Variants in CYYR1 observed in about 807,000 individuals in gnomAD.
CYYR1 encodes cysteine and tyrosine rich 1.
In CYYR1, 14 loss-of-function variants were observed where a neutral mutation model predicts 15.2. The observed-to-expected ratio is 0.92, with a 90% confidence interval of 0.61 to 1.44. The LOEUF is 1.44. Ranked by LOEUF, CYYR1 falls within the 40% of genes most tolerant of loss-of-function variation. CYYR1 has a pLI of 0.00. For missense variants in CYYR1, 228 were observed against 209.5 expected, an observed-to-expected ratio of 1.09 and a Z score of -0.54; for synonymous variants, 80 against 77.4, an observed-to-expected ratio of 1.03 and a Z score of -0.18.
chr21:26,475,691 C>T (rs1475978847), intron 3 of CYYR1, among the ~76,000 whole-genome samples: 3 of 152,148 alleles, frequency 2.0e-5, no homozygotes, highest in African/African-American at 4.8e-5. Flanking sequence ...CTTGCTAGCT[C>T]TACTTCATCA....
chr21:26,556,707 C>T lies in CYYR1; in HGVS notation c.176+9559G>A, dbSNP rs1849682245. Among the ~76,000 whole-genome samples the T allele has an allele frequency of 3.3e-5, 5 of 152,086 alleles. No homozygotes were observed. The South Asian group carries it at 8.3e-4, about 25-fold the overall frequency. On this transcript the variant is annotated intron_variant, in intron 2 of 3. Coordinates refer to ENST00000652641, the MANE Select transcript of CYYR1 (RefSeq NM_001320768.2). ...ACCAGATCTCATGAGGACTCACTCA[C>T]TATCACAAGAACAGCAAGGGAGAAA...
chr21:26,573,065 C>T lies in CYYR1; in HGVS notation c.-125G>A. On this transcript the variant is annotated 5_prime_UTR_variant, in exon 1 of 4. The change abolishes an upstream ATG in the 5' untranslated region. Transcript: ENST00000652641. ...GAGCCGGGTGGAGCAGAGACCCGGC[C>T]ATTGCCTAGGGAGCCTTCCAAGGGA... is the stretch of plus-strand genomic sequence containing the variant. The T allele has an allele frequency of 6.4e-7, 1 of 1,562,904 alleles. No homozygotes were observed. The highest frequency in any genetic ancestry group is 1.2e-5 in the South Asian group (1 of 86,660).
chr21:26,547,819 A>G (rs1219273193), intron 2 of CYYR1, among the ~76,000 whole-genome samples: 1 of 151,856 alleles, frequency 6.6e-6, no homozygotes, highest in African/African-American at 2.4e-5. Flanking sequence ...ATTGCCAAGG[A>G]AACCTCGATT....
At chr21:26,516,976 G>A (rs200482753) in intron 2 of CYYR1, among the ~76,000 whole-genome samples, 11,907 of 149,206 alleles carry the variant, frequency 0.08, 609 homozygotes, top group African/African-American at 0.14. Context: ...TTAGCCGGGC[G>A]TGGTAGCGGG....
intron 2 of CYYR1, among the ~76,000 whole-genome samples, chr21:26,481,918 A>G (rs1056342617): frequency 2.6e-5 from 4 of 152,070 alleles, no homozygotes; most frequent in African/African-American, 9.7e-5. Flanking sequence ...CTATGTATCA[A>G]GTTTTTTATT....
At chr21:26,499,836 G>GTTT (rs201220917) in intron 2 of CYYR1, among the ~76,000 whole-genome samples, 2 of 137,956 alleles carry the variant, frequency 1.4e-5, no homozygotes, top group Non-Finnish European at 3.2e-5. Context: ...ACACATTTTT[G>GTTT]TTTTTTTTTT....
At chr21:26,560,837 C>T (rs139533376) in intron 2 of CYYR1, among the ~76,000 whole-genome samples, 27 of 152,240 alleles carry the variant, frequency 1.8e-4, no homozygotes, top group African/African-American at 5.8e-4. Context: ...AGGGCAGGAA[C>T]GTGATGTTTG....
chr21:26,506,531 A>G (rs1023916665), intron 2 of CYYR1: 1 of 152,216 alleles, frequency 6.6e-6, no homozygotes, highest in Non-Finnish European at 1.5e-5. Flanking sequence ...TACACTCTCA[A>G]ACTCAACTTT....
At chr21:26,492,175 A>G (rs372682767) in intron 2 of CYYR1, among the ~76,000 whole-genome samples, 19 of 152,330 alleles carry the variant, frequency 1.2e-4, no homozygotes, top group African/African-American at 4.6e-4. Context: ...TTCACTATAG[A>G]TGCTGCTAAT....
chr21:26,471,127 A>T lies in CYYR1; in HGVS notation c.335-2493T>A, dbSNP rs543589981. 5 of 152,246 alleles carry T rather than the reference A, an allele frequency of 3.3e-5. No individual in the cohort carries two copies. In the East Asian group the frequency reaches 9.6e-4, roughly 29 times the overall value. 9.4% of individuals were successfully genotyped at this position (152,246 alleles called of 1,614,324 possible). A position where few individuals can be genotyped will look rare whatever the true frequency, so the allele number is the denominator to read the frequency against. ...CCCTCTGCATTATACCCACGCCTCGACTTCATTATATCTAGGAGCACTGAG... is the reference window on the plus strand; with the variant it reads ...CCCTCTGCATTATACCCACGCCTCGTCTTCATTATATCTAGGAGCACTGAG... On this transcript the variant is annotated intron_variant, in intron 3 of 3. Coordinates refer to ENST00000652641, the MANE Select transcript of CYYR1 (RefSeq NM_001320768.2).
chr21:26,473,225 CCTT>C (rs1024705377), intron 3 of CYYR1, among the ~76,000 whole-genome samples: 3 of 151,910 alleles, frequency 2.0e-5, no homozygotes, highest in African/African-American at 7.3e-5. Context: ...TCATTGCAAA[CCTT>C]CTCATCTACT....
At chr21:26,526,429 C>T (rs1404154622) in intron 2 of CYYR1, among the ~76,000 whole-genome samples, 2 of 151,892 alleles carry the variant, frequency 1.3e-5, no homozygotes, top group Non-Finnish European at 2.9e-5. Context: ...GCCTGGGCGA[C>T]AGAGCAAAAT....
chr21:26,572,182 G>A (rs1190863325), intron 1 of CYYR1, among the ~76,000 whole-genome samples: 1 of 152,188 alleles, frequency 6.6e-6, no homozygotes, highest in African/African-American at 2.4e-5. Flanking sequence ...AAGACCACGT[G>A]TGTAAGACAC....
chr21:26,529,061 A>G (rs1161162674), intron 2 of CYYR1, among the ~76,000 whole-genome samples: 1 of 152,194 alleles, frequency 6.6e-6, no homozygotes, highest in Non-Finnish European at 1.5e-5. Context: ...TGACTCTTAC[A>G]CTGATACTTT....
At chr21:26,572,762 C>T in intron 1 of CYYR1, 106 bp downstream of exon 1, 1 of 1,380,460 alleles carries the variant, frequency 7.2e-7, no homozygotes, top group Non-Finnish European at 9.8e-7. Context: ...TGCAAAGGTC[C>T]TTCTGCAAAG....
chr21:26,544,827 T>C (rs1978837885), intron 2 of CYYR1, among the ~76,000 whole-genome samples: 1 of 152,180 alleles, frequency 6.6e-6, no homozygotes, highest in African/African-American at 2.4e-5. Context: ...GGCTCATGCC[T>C]GTAATCCCAG....
chr21:26,526,983 T>C (rs1007010980), intron 2 of CYYR1, among the ~76,000 whole-genome samples: 4 of 152,222 alleles, frequency 2.6e-5, no homozygotes, highest in African/African-American at 9.6e-5. Context: ...AGGCACAAGC[T>C]ATGTTAAGCA....
chr21:26,553,166 C>A (rs1296182317), intron 2 of CYYR1, among the ~76,000 whole-genome samples: 1 of 152,008 alleles, frequency 6.6e-6, no homozygotes, highest in Non-Finnish European at 1.5e-5. Context: ...AAAAAATATG[C>A]CACTTTCCTG....
intron 2 of CYYR1, among the ~76,000 whole-genome samples, chr21:26,535,008 T>G (rs1024877098): frequency 1.3e-5 from 2 of 152,200 alleles, no homozygotes; most frequent in Non-Finnish European, 2.9e-5. Flanking sequence ...ATTTTATTAT[T>G]TATTTATTTA....
Sources: allele counts gnomAD v4.1 joint callset (sites outside exome capture counted in the v4.1 genomes callset), GRCh38; gene constraint gnomAD v4.1.1; transcripts MANE v1.5; gene names NCBI Gene and HGNC (gene_info 2026-07-23, HGNC 2026-07-21).